The following LYPD6B variants were observed in gnomAD, a reference collection of about 807,000 sequenced individuals.
LYPD6B encodes LY6/PLAUR domain containing 6B.
Under a neutral mutation model 22.8 loss-of-function variants are expected in LYPD6B, and 17 were observed. That is an observed-to-expected ratio of 0.75 (90% CI 0.51 to 1.12). The LOEUF (loss-of-function observed/expected upper bound fraction) is 1.12. Ranked by LOEUF, LYPD6B falls within the 50% of genes most tolerant of loss-of-function variation. The pLI, the probability that LYPD6B is intolerant of heterozygous loss-of-function variation, is 0.00. For synonymous variants in LYPD6B, 106 were observed against 91.6 expected (o/e 1.16, Z -0.90); for missense variants, 221 against 258.3 (o/e 0.86, Z 0.99).
intron 3 of LYPD6B, among the ~76,000 whole-genome samples, chr2:149,166,599 T>C (rs1690436367): frequency 6.6e-6 from 1 of 152,124 alleles, no homozygotes; most frequent in South Asian, 2.1e-4. Flanking sequence ...TCTAGCATCT[T>C]ATCTCCCTTA....
At chr2:149,044,219 G>A (rs1683209620) in intron 1 of LYPD6B, among the ~76,000 whole-genome samples, 2 of 152,020 alleles carry the variant, frequency 1.3e-5, no homozygotes, top group South Asian at 4.1e-4. Context: ...AATTTAGGAA[G>A]AATTGACATC....
chr2:149,046,381 T>C (rs1683305743), intron 1 of LYPD6B, among the ~76,000 whole-genome samples: 1 of 152,212 alleles, frequency 6.6e-6, no homozygotes, highest in African/African-American at 2.4e-5. Context: ...TGTTAACTGG[T>C]ATGTTAGACC....
rs540516571 is a variant in LYPD6B, at chr2:149,178,120, G to A, written c.77+17285G>A. On this transcript the variant is annotated intron_variant, in intron 3 of 6. Transcript: ENST00000409642. ...TTGAGGATCTCAGAAAAATATCCTT[G>A]ACTCCAATTAAATCTAAAATACACT... 8.6e-5 allele frequency among the ~76,000 whole-genome samples: 13 copies of A among 151,774 alleles called. No individual in the cohort carries two copies. In the East Asian group the frequency reaches 2.5e-3, roughly 29 times the overall value.
chr2:149,075,613 G>A (rs957142798), intron 1 of LYPD6B, among the ~76,000 whole-genome samples: 1 of 152,160 alleles, frequency 6.6e-6, no homozygotes, highest in African/African-American at 2.4e-5. Context: ...GTAAGTGAAG[G>A]AATAGAGGGC....
chr2:149,214,718 A>G lies in LYPD6B; in HGVS notation c.*8A>G. On this transcript the variant is annotated 3_prime_UTR_variant, in exon 7 of 7. Coordinates refer to ENST00000409642, the MANE Select transcript of LYPD6B (RefSeq NM_177964.5). Reference sequence around the variant, plus strand: ...GTGCTTCCATTGCTGTGATGCCACCATTCCTAGGAGAGGCAGAGACCAGCC... The same window carrying G: ...GTGCTTCCATTGCTGTGATGCCACCGTTCCTAGGAGAGGCAGAGACCAGCC... 2 of 1,613,852 alleles carry G rather than the reference A, an allele frequency of 1.2e-6. No homozygotes were observed. The highest frequency in any genetic ancestry group is 1.7e-6 in the Non-Finnish European group (2 of 1,179,770).
intron 1 of LYPD6B, among the ~76,000 whole-genome samples, chr2:149,117,724 G>T (rs1687076049): frequency 6.6e-6 from 1 of 152,188 alleles, no homozygotes; most frequent in Non-Finnish European, 1.5e-5. Flanking sequence ...GAGGGGTCAA[G>T]TTGTTCCAAT....
chr2:149,091,645 C>T (rs1278455525), intron 1 of LYPD6B, among the ~76,000 whole-genome samples: 1 of 151,474 alleles, frequency 6.6e-6, no homozygotes, highest in Non-Finnish European at 1.5e-5. Flanking sequence ...TAAGTAGGTA[C>T]AAATCTGCAA....
chr2:149,112,505 A>G (rs1019190516), intron 1 of LYPD6B, among the ~76,000 whole-genome samples: 2 of 152,146 alleles, frequency 1.3e-5, no homozygotes, highest in African/African-American at 4.8e-5. Context: ...ATAATATTAT[A>G]TGGTAGAAAT....
intron 1 of LYPD6B, among the ~76,000 whole-genome samples, chr2:149,056,429 T>C (rs138161371): frequency 6.6e-6 from 1 of 152,314 alleles, no homozygotes; most frequent in African/African-American, 2.4e-5. Flanking sequence ...CAATGTGGGC[T>C]TCACCATCAG....
intron 2 of LYPD6B, among the ~76,000 whole-genome samples, chr2:149,154,348 C>A (rs229314): frequency 0.77 from 117,711 of 151,980 alleles, 46,039 homozygotes; most frequent in Non-Finnish European, 0.83. Flanking sequence ...CTAGAACTAC[C>A]AGAAACTAGG....
intron 3 of LYPD6B, among the ~76,000 whole-genome samples, chr2:149,194,574 TAGG>T (rs1692689216): frequency 6.6e-6 from 1 of 152,198 alleles, no homozygotes; most frequent in South Asian, 2.1e-4. Flanking sequence ...TACCAGAATC[TAGG>T]AGATGGTAGC....
chr2:149,070,433 T>C (rs562795065), intron 1 of LYPD6B, among the ~76,000 whole-genome samples: 1 of 152,198 alleles, frequency 6.6e-6, no homozygotes, highest in Non-Finnish European at 1.5e-5. Context: ...TAACACACTA[T>C]AAAATTTTAA....
chr2:149,173,318 G>T, intron 3 of LYPD6B, among the ~76,000 whole-genome samples: 1 of 111,108 alleles, frequency 9.0e-6, no homozygotes, highest in Non-Finnish European at 1.8e-5. Flanking sequence ...ACATCTTGTT[G>T]ATTTCAGCTT....
At chr2:149,160,353 G>C (rs925067603) in intron 2 of LYPD6B, 7 of 446,508 alleles carry the variant, frequency 1.6e-5, no homozygotes, top group Non-Finnish European at 2.7e-5. Context: ...ATGGCACAGA[G>C]TCTTCATTGT....
At chr2:149,075,793 G>A (rs1471568722) in intron 1 of LYPD6B, among the ~76,000 whole-genome samples, 1 of 152,162 alleles carries the variant, frequency 6.6e-6, no homozygotes, top group Non-Finnish European at 1.5e-5. Flanking sequence ...ATCACTAAAT[G>A]TCATATATTC....
chr2:149,062,873 T>G (rs1234765188), intron 1 of LYPD6B, among the ~76,000 whole-genome samples: 1 of 150,386 alleles, frequency 6.6e-6, no homozygotes, highest in Non-Finnish European at 1.5e-5. Flanking sequence ...TTTTTTTTTT[T>G]TTTTTTTTTG....
At chr2:149,076,364 A>T (rs1283047493) in intron 1 of LYPD6B, among the ~76,000 whole-genome samples, 1 of 152,220 alleles carries the variant, frequency 6.6e-6, no homozygotes, top group African/African-American at 2.4e-5. Flanking sequence ...ATAAGAAGTG[A>T]TAACTATAGT....
intron 1 of LYPD6B, among the ~76,000 whole-genome samples, chr2:149,098,776 T>TTC (rs1311514180): frequency 6.6e-6 from 1 of 150,950 alleles, no homozygotes. Flanking sequence ...TTTTTTTTTT[T>TTC]TTTTATCACA....
intron 2 of LYPD6B, among the ~76,000 whole-genome samples, chr2:149,143,310 G>C (rs678484): frequency 0.39 from 58,106 of 150,542 alleles, 11,585 homozygotes; most frequent in East Asian, 0.62. Context: ...TTCTTGGCTC[G>C]TTGTATGTAA....
Sources: gnomAD v4.1 joint callset for allele counts (sites outside exome capture counted in the v4.1 genomes callset) on GRCh38, gnomAD v4.1.1 for gene constraint, MANE v1.5 for transcripts, NCBI Gene and HGNC (gene_info 2026-07-23, HGNC 2026-07-21) for gene names.